NEURL1: variants seen among roughly 807,000 people sequenced by gnomAD.
The protein encoded by NEURL1 is E3 ubiquitin-protein ligase NEURL1.
Under a neutral mutation model 41.2 loss-of-function variants are expected in NEURL1, and 26 were observed. That is an observed-to-expected ratio of 0.63 (90% CI 0.46 to 0.87). The LOEUF (loss-of-function observed/expected upper bound fraction) is 0.87. NEURL1 is among the 40% of genes least tolerant of loss of function. NEURL1 has a pLI of 0.00. For missense variants in NEURL1, 761 were observed against 871.1 expected, an observed-to-expected ratio of 0.87 and a Z score of 1.59; for synonymous variants, 400 against 402.3, an observed-to-expected ratio of 0.99 and a Z score of 0.07.
chr10:103,531,275 A>G (rs1187271188), intron 1 of NEURL1, among the ~76,000 whole-genome samples: 3 of 152,210 alleles, frequency 2.0e-5, no homozygotes, highest in Non-Finnish European at 2.9e-5. Context: ...ATGTCTTTAC[A>G]TAGTGCAGTT....
intron 1 of NEURL1, among the ~76,000 whole-genome samples, chr10:103,559,386 G>T (rs1289914457): frequency 3.3e-5 from 5 of 152,182 alleles, no homozygotes; most frequent in Non-Finnish European, 1.5e-5. Flanking sequence ...CCCAGCAGAT[G>T]CTGGGTCAGT....
chr10:103,554,085 G>C lies in NEURL1; in HGVS notation c.86-16787G>C, dbSNP rs1219017794. ...GCCACTGCCACCCACACAGTTCCTGGTGCACGGTGCATGCTCATTGCATGG... is the reference window on the plus strand; with the variant it reads ...GCCACTGCCACCCACACAGTTCCTGCTGCACGGTGCATGCTCATTGCATGG... On this transcript the variant is annotated intron_variant, in intron 1 of 5. Transcript: ENST00000369780. Among the ~76,000 whole-genome samples the C allele has an allele frequency of 3.3e-5, 5 of 152,310 alleles. No homozygotes were observed. The East Asian group carries it at 7.7e-4, about 24-fold the overall frequency.
At position 103,585,172 on chromosome 10, in the gene NEURL1, C is replaced by T. The variant is rs768571360; in HGVS notation, c.1286C>T (p.Pro429Leu). Residue 429 changes from proline (P) to leucine (L), a missense_variant, in exon 4 of 6, where the codon CCG becomes CTG. Physicochemically the swap from Pro to Leu is moderately conservative, Grantham distance 98. Coordinates refer to ENST00000369780, the MANE Select transcript of NEURL1 (RefSeq NM_004210.5). ...GMQLCVDASQ[P>L]LWMLFGLHGT... Reference sequence around the variant, plus strand: ...CAGCTGTGCGTGGACGCCTCGCAGCCGCTTTGGATGCTCTTCGGCCTGCAC... The same window carrying T: ...CAGCTGTGCGTGGACGCCTCGCAGCTGCTTTGGATGCTCTTCGGCCTGCAC... 16 of 1,588,106 alleles carry T rather than the reference C, an allele frequency of 1.0e-5. No individual in the cohort carries two copies. The highest frequency in any genetic ancestry group is 1.3e-5 in the African/African-American group (1 of 74,518).
chr10:103,543,132 C>G (rs1160271217), intron 1 of NEURL1, among the ~76,000 whole-genome samples: 2 of 152,126 alleles, frequency 1.3e-5, no homozygotes, highest in African/African-American at 4.8e-5. Flanking sequence ...TGGGAGGGAG[C>G]CAGGCACAAG....
rs1284855598 is a variant in NEURL1 at position 103,517,764 on chromosome 10, G to A, written c.85+23292G>A. On this transcript the variant is annotated intron_variant, in intron 1 of 5. Transcript: ENST00000369780. ...GCTGGGTGAACTTGCTCTAGGCCTG[G>A]CAAGTTGAGAACACAGTCTGAGAGT... Among the ~76,000 whole-genome samples the A allele has an allele frequency of 2.0e-5, 3 of 152,348 alleles. No individual in the cohort carries two copies. In the East Asian group the frequency reaches 5.8e-4, roughly 29 times the overall value.
intron 4 of NEURL1, chr10:103,588,702 T>G (rs2035973596): frequency 2.3e-6 from 1 of 430,018 alleles, no homozygotes; most frequent in Non-Finnish European, 4.7e-6. Flanking sequence ...ATCCCAGCAC[T>G]TTGGGAGCCG....
intron 1 of NEURL1, among the ~76,000 whole-genome samples, chr10:103,514,089 G>T (rs2034140001): frequency 6.6e-6 from 1 of 151,904 alleles, no homozygotes; most frequent in South Asian, 2.1e-4. Flanking sequence ...CTGAGTTGGG[G>T]ATGTTTCTTT....
intron 1 of NEURL1, among the ~76,000 whole-genome samples, chr10:103,498,039 T>A (rs1267119746): frequency 1.3e-5 from 2 of 152,184 alleles, no homozygotes; most frequent in Non-Finnish European, 2.9e-5. Flanking sequence ...GGCTTGAGCG[T>A]ATATCTATAT....
chr10:103,582,620 G>A (rs2035805072), intron 3 of NEURL1, among the ~76,000 whole-genome samples: 1 of 152,158 alleles, frequency 6.6e-6, no homozygotes. Context: ...AGAAAAGAGG[G>A]AGGTTTAGTG....
At chr10:103,564,299 C>T (rs964016939) in intron 1 of NEURL1, among the ~76,000 whole-genome samples, 1 of 152,142 alleles carries the variant, frequency 6.6e-6, no homozygotes, top group Non-Finnish European at 1.5e-5. Flanking sequence ...GGAGGGTGCC[C>T]CCACTGGGGC....
chr10:103,577,591 C>G lies in NEURL1; in HGVS notation c.649+5769C>G, dbSNP rs117451059. ...TTCTCTAGATGTGAGTCCATCTGAT[C>G]TCCCTATTAGGTCTGGATACCCGAC... On this transcript the variant is annotated intron_variant, in intron 3 of 5. Coordinates refer to ENST00000369780, the MANE Select transcript of NEURL1 (RefSeq NM_004210.5). 426 of 152,376 alleles carry G rather than the reference C, an allele frequency of 2.8e-3. 2 individuals are homozygous for G. Among genetic ancestry groups the G allele is most frequent in the Non-Finnish European group, 4.5e-3 (304 of 68,042 alleles). 9.4% of individuals were successfully genotyped at this position (152,376 alleles called of 1,614,324 possible).
intron 1 of NEURL1, among the ~76,000 whole-genome samples, chr10:103,565,350 T>TCAGGC (rs2133874718): frequency 6.6e-6 from 1 of 152,224 alleles, no homozygotes; most frequent in Admixed American, 6.5e-5. Flanking sequence ...GGACAGCTGC[T>TCAGGC]CAGGCCGGGC....
At position 103,558,901 on chromosome 10, in the gene NEURL1, C is replaced by T. The variant is rs945379450; in HGVS notation, c.86-11971C>T. On this transcript the variant is annotated intron_variant, in intron 1 of 5. Coordinates refer to ENST00000369780, the MANE Select transcript of NEURL1 (RefSeq NM_004210.5). This position sits in a 1 kb window ranked among gnomAD's most constrained non-coding sequence, Gnocchi z 4.2. ...TGTGGGTGACACACGCACCTGCACC[C>T]AGACATTCATGTCACCCTCAGGTTA... is the stretch of plus-strand genomic sequence containing the variant. 6.6e-6 allele frequency among the ~76,000 whole-genome samples: 1 copy of T among 152,146 alleles called. No homozygotes were observed. The highest frequency in any genetic ancestry group is 2.4e-5 in the African/African-American group (1 of 41,408).
At chr10:103,540,729 G>A (rs551575828) in intron 1 of NEURL1, among the ~76,000 whole-genome samples, 13 of 152,148 alleles carry the variant, frequency 8.5e-5, no homozygotes, top group Non-Finnish European at 1.9e-4. Context: ...TTCTCTTCTT[G>A]TTGATGGAGG....
At chr10:103,573,673 T>A (rs1453888064) in intron 3 of NEURL1, among the ~76,000 whole-genome samples, 1 of 152,204 alleles carries the variant, frequency 6.6e-6, no homozygotes, top group Non-Finnish European at 1.5e-5. Flanking sequence ...GTGAAGGCTT[T>A]GACTTAGCCC....
At chr10:103,580,557 T>C (rs566153874) in intron 3 of NEURL1, among the ~76,000 whole-genome samples, 2 of 152,272 alleles carry the variant, frequency 1.3e-5, no homozygotes, top group Non-Finnish European at 2.9e-5. Context: ...ACTGTGACCT[T>C]TGCCGTCCCT....
chr10:103,585,264 T>G, intron 4 of NEURL1, 39 bp downstream of exon 4: 1 of 1,441,732 alleles, frequency 6.9e-7, no homozygotes, highest in Non-Finnish European at 9.1e-7. Context: ...ATGCCTTTCC[T>G]GGAGGCGGGG....
chr10:103,559,579 GA>G (rs1226099164), intron 1 of NEURL1, among the ~76,000 whole-genome samples: 2 of 152,066 alleles, frequency 1.3e-5, no homozygotes, highest in Non-Finnish European at 2.9e-5. Context: ...TTCTCGGTGA[GA>G]GTTTGAATCC....
Position 103,571,545 on chromosome 10 carries a change from C to CG in NEURL1, c.372_373insG (p.Phe125ValfsTer12), listed in dbSNP as rs759853075. Reference sequence around the variant, plus strand: ...GCTGGAGCGGGGCCCTGCGGCTGGGCTTCACCAGCAAGGACCCGTCCCGCA... The same window carrying CG: ...GCTGGAGCGGGGCCCTGCGGCTGGGCGTTCACCAGCAAGGACCCGTCCCGCA... On this transcript the variant is annotated frameshift_variant, in exon 3 of 6. Coordinates refer to ENST00000369780, the MANE Select transcript of NEURL1 (RefSeq NM_004210.5). LOFTEE classifies it high-confidence loss of function. 1 of 1,611,322 alleles carries CG rather than the reference C, an allele frequency of 6.2e-7. No individual in the cohort carries two copies. The highest frequency in any genetic ancestry group is 1.1e-5 in the South Asian group (1 of 91,018).
Sources: allele counts gnomAD v4.1 joint callset (sites outside exome capture counted in the v4.1 genomes callset), GRCh38; gene constraint gnomAD v4.1.1; non-coding constraint Gnocchi (gnomAD v3.1); transcripts MANE v1.5; gene names NCBI Gene and HGNC (gene_info 2026-07-23, HGNC 2026-07-21).